The following CSMD1 variants were observed in gnomAD, a reference collection of about 807,000 sequenced individuals.
CSMD1 encodes CUB and sushi domain-containing protein 1.
A neutral mutation model predicts 417.5 loss-of-function variants in CSMD1; 213 were observed. The ratio of observed to expected loss-of-function variants is 0.51; its 90% CI spans 0.46 to 0.57. The LOEUF is 0.57. Among genes scored for constraint, CSMD1 ranks in the 20% least tolerant of loss-of-function variants. The probability of loss-of-function intolerance (pLI) is 0.00; values close to 1 mark genes in which losing one functional copy is unlikely to be tolerated. For synonymous variants in CSMD1, 2,862 were observed against 1,736.8 expected (o/e 1.65, Z -16.11); for missense variants, 6,923 against 4,529.7 (o/e 1.53, Z -15.17).
At chr8:3,083,610 T>TTATA (rs1554507974) in intron 49 of CSMD1, among the ~76,000 whole-genome samples, 121 of 30,826 alleles carry the variant, frequency 3.9e-3, no homozygotes, top group African/African-American at 4.2e-3. Flanking sequence ...ACCATAATTT[T>TTATA]TATATATATA....
intron 7 of CSMD1, among the ~76,000 whole-genome samples, chr8:3,662,020 G>T (rs773288904): frequency 6.6e-6 from 1 of 152,166 alleles, no homozygotes; most frequent in South Asian, 2.1e-4. Flanking sequence ...AGAAGCGGGG[G>T]ATTTTTACTC....
At chr8:3,634,851 T>A (rs1448975880) in intron 7 of CSMD1, among the ~76,000 whole-genome samples, 1 of 152,092 alleles carries the variant, frequency 6.6e-6, no homozygotes, top group Non-Finnish European at 1.5e-5. Context: ...CATCACACAG[T>A]GCACTGTGCA....
rs377171210 is a variant in CSMD1, at chr8:3,497,700, G to C, written c.1345-3974C>G. ...GTCTATGCCTTTACAGGTGCAGTGAGTTTCTTATAGGCAGTATGCACTTAG... is the reference window on the plus strand; with the variant it reads ...GTCTATGCCTTTACAGGTGCAGTGACTTTCTTATAGGCAGTATGCACTTAG... On this transcript the variant is annotated intron_variant, in intron 10 of 69. Coordinates refer to ENST00000635120, the MANE Select transcript of CSMD1 (RefSeq NM_033225.6). Among the ~76,000 whole-genome samples the C allele has an allele frequency of 2.0e-4, 31 of 152,266 alleles. No homozygotes were observed. In the East Asian group the frequency reaches 2.5e-3, roughly 12 times the overall value.
intron 26 of CSMD1, among the ~76,000 whole-genome samples, chr8:3,238,326 A>G (rs997821034): frequency 6.6e-6 from 1 of 152,120 alleles, no homozygotes; most frequent in Non-Finnish European, 1.5e-5. Context: ...TCATCAGTTA[A>G]GGCAGGAACT....
At chr8:4,690,980 G>A (rs550380251) in intron 1 of CSMD1, among the ~76,000 whole-genome samples, 3 of 152,242 alleles carry the variant, frequency 2.0e-5, no homozygotes, top group South Asian at 4.2e-4. Context: ...GCCTGCCGTG[G>A]CCTCCCAAAG....
At position 3,597,501 on chromosome 8, in the gene CSMD1, G is replaced by C. The variant is rs181119795; in HGVS notation, c.1098-11241C>G. 1.6e-4 allele frequency among the ~76,000 whole-genome samples: 24 copies of C among 152,246 alleles called. No individual in the cohort carries two copies. In the East Asian group the frequency reaches 4.6e-3, roughly 29 times the overall value. ...ATTAAATAGTTGTAAATAAAATGCA[G>C]CTGAGATAAAACATGAGCCACATGT... On this transcript the variant is annotated intron_variant, in intron 8 of 69. Transcript: ENST00000635120.
chr8:4,522,443 C>T (rs1193353445), intron 2 of CSMD1, among the ~76,000 whole-genome samples: 1 of 152,132 alleles, frequency 6.6e-6, no homozygotes, highest in African/African-American at 2.4e-5. Flanking sequence ...ATCTCACCCA[C>T]AATCAGATGA....
intron 3 of CSMD1, among the ~76,000 whole-genome samples, chr8:4,079,707 T>C (rs549027818): frequency 8.5e-5 from 13 of 152,360 alleles, no homozygotes; most frequent in African/African-American, 2.6e-4. Context: ...TTGCTTTCTT[T>C]CCATAGTATG....
chr8:4,633,595 C>G (rs1387787585), intron 2 of CSMD1, among the ~76,000 whole-genome samples: 1 of 151,870 alleles, frequency 6.6e-6, no homozygotes, highest in Non-Finnish European at 1.5e-5. Flanking sequence ...CTACCTCTGT[C>G]ACCCAGGCTG....
intron 20 of CSMD1, among the ~76,000 whole-genome samples, chr8:3,365,508 T>A (rs1809500823): frequency 6.6e-6 from 1 of 152,196 alleles, no homozygotes; most frequent in African/African-American, 2.4e-5. Context: ...TTGAATCCAT[T>A]TATACATGAA....
chr8:3,217,500 G>C (rs922831388), intron 29 of CSMD1, among the ~76,000 whole-genome samples: 1 of 152,176 alleles, frequency 6.6e-6, no homozygotes, highest in Non-Finnish European at 1.5e-5. Context: ...AATTATATGA[G>C]GAATTGTTTT....
At chr8:4,330,447 A>G (rs369464970) in intron 3 of CSMD1, among the ~76,000 whole-genome samples, 61 of 152,190 alleles carry the variant, frequency 4.0e-4, no homozygotes, top group African/African-American at 1.3e-3. Context: ...AAAATGAACC[A>G]TGCATGTTGG....
chr8:4,839,843 G>C (rs945590506), intron 1 of CSMD1, among the ~76,000 whole-genome samples: 23 of 152,146 alleles, frequency 1.5e-4, no homozygotes, highest in Non-Finnish European at 2.8e-4. Flanking sequence ...GTTGATGTTT[G>C]CATGCTAGAA....
chr8:4,784,971 T>A (rs1797325677), intron 1 of CSMD1, among the ~76,000 whole-genome samples: 1 of 152,146 alleles, frequency 6.6e-6, no homozygotes, highest in African/African-American at 2.4e-5. Context: ...AAAAATGCAA[T>A]ACTAAAATGG....
At chr8:3,946,135 C>A (rs1050696625) in intron 5 of CSMD1, among the ~76,000 whole-genome samples, 7 of 152,114 alleles carry the variant, frequency 4.6e-5, no homozygotes, top group African/African-American at 1.7e-4. Flanking sequence ...TGCACATGAT[C>A]TCACATAATC....
chr8:3,466,503 G>A lies in CSMD1; in HGVS notation c.1561+2209C>T, dbSNP rs527875771. On this transcript the variant is annotated intron_variant, in intron 12 of 69. Coordinates refer to ENST00000635120, the MANE Select transcript of CSMD1 (RefSeq NM_033225.6). ...TGGCTCACTGCAAGCTCCACTACCC[G>A]GGTTCAAGCGATTCTTCTGCCCCAG... Among the ~76,000 whole-genome samples the A allele has an allele frequency of 4.5e-4, 69 of 151,782 alleles. No individual in the cohort carries two copies. The East Asian group carries it at 8.1e-3, about 18-fold the overall frequency.
chr8:3,491,740 G>A (rs898006904), intron 11 of CSMD1, among the ~76,000 whole-genome samples: 2 of 152,204 alleles, frequency 1.3e-5, no homozygotes, highest in African/African-American at 4.8e-5. Context: ...GGGATAAGGT[G>A]AGTATAACAG....
chr8:3,314,597 A>T (rs535620395), intron 23 of CSMD1, among the ~76,000 whole-genome samples: 1 of 152,324 alleles, frequency 6.6e-6, no homozygotes, highest in Admixed American at 6.5e-5. Flanking sequence ...TTTGTTTTCT[A>T]GTGATTTCAT....
At chr8:4,364,415 C>G (rs1166623323) in intron 3 of CSMD1, among the ~76,000 whole-genome samples, 2 of 152,120 alleles carry the variant, frequency 1.3e-5, no homozygotes, top group Non-Finnish European at 2.9e-5. Context: ...TTGCCCTAGT[C>G]CATACAAGAT....
Sources: allele counts gnomAD v4.1 joint callset (sites outside exome capture counted in the v4.1 genomes callset), GRCh38; gene constraint gnomAD v4.1.1; transcripts MANE v1.5; gene names NCBI Gene and HGNC (gene_info 2026-07-23, HGNC 2026-07-21).